PDE4B: variants seen among roughly 807,000 people sequenced by gnomAD.
PDE4B encodes the protein phosphodiesterase 4B.
In PDE4B, 20 loss-of-function variants were observed where a neutral mutation model predicts 82.2. The observed-to-expected ratio is 0.24, with a 90% CI of 0.17 to 0.35. The LOEUF is 0.35. PDE4B is among the 10% of genes least tolerant of loss of function. PDE4B has a pLI of 1.00. For missense variants in PDE4B, 655 were observed against 907.2 expected (o/e 0.72, Z 3.57); for synonymous variants, 320 against 318.9 (o/e 1.00, Z -0.04).
intron 3 of PDE4B, among the ~76,000 whole-genome samples, chr1:65,935,443 G>T (rs908257603): frequency 2.6e-5 from 4 of 151,948 alleles, no homozygotes; most frequent in African/African-American, 9.7e-5. Context: ...ATAGCTCTGG[G>T]TGAGTCAGTG....
chr1:66,109,655 A>G (rs1277288789), intron 3 of PDE4B, among the ~76,000 whole-genome samples: 1 of 151,734 alleles, frequency 6.6e-6, no homozygotes, highest in Non-Finnish European at 1.5e-5. Flanking sequence ...CTCCTTTTCA[A>G]GTTTTTTAAT....
At chr1:66,159,405 AT>A (rs1185555240) in intron 3 of PDE4B, among the ~76,000 whole-genome samples, 2,826 of 138,458 alleles carry the variant, frequency 0.02, 56 homozygotes, top group African/African-American at 0.061. Flanking sequence ...ACGCCCAGCT[AT>A]TTTTTTTTTT....
At chr1:65,937,201 G>A (rs12565842) in intron 3 of PDE4B, among the ~76,000 whole-genome samples, 7,261 of 152,206 alleles carry the variant, frequency 0.048, 521 homozygotes, top group East Asian at 0.36. Context: ...GATTCTGTTT[G>A]AGCATCTATT....
intron 7 of PDE4B, among the ~76,000 whole-genome samples, chr1:66,325,392 C>T (rs1557701485): frequency 6.6e-6 from 1 of 152,192 alleles, no homozygotes; most frequent in Non-Finnish European, 1.5e-5. Flanking sequence ...GACAATACCA[C>T]TCCTGAAGTG....
chr1:66,260,839 A>G (rs1212195475), intron 6 of PDE4B, among the ~76,000 whole-genome samples: 1 of 152,196 alleles, frequency 6.6e-6, no homozygotes, highest in Admixed American at 6.5e-5. Flanking sequence ...GCTGAAGCAC[A>G]GCCCTTCCCA....
chr1:66,361,734 A>C lies in PDE4B; in HGVS notation c.961A>C (p.Asn321His). ...GAAATTAATGCATAGTTCAAGCCTA[A>C]ACAATACAAGCATCTCACGCTTTGG... ...VKKLMHSSSL[N>H]NTSISRFGVN... Residue 321 changes from asparagine to histidine, a missense_variant, in exon 10 of 17, where the codon AAC becomes CAC. This residue lies in a region of PDE4B where 283 missense variants were observed against 516.4 expected (regional missense o/e 0.55). Coordinates refer to ENST00000341517, the MANE Select transcript of PDE4B (RefSeq NM_002600.4). 2 of 1,613,454 alleles carry C rather than the reference A, an allele frequency of 1.2e-6. No homozygotes were observed. The highest frequency in any genetic ancestry group is 1.7e-6 in the Non-Finnish European group (2 of 1,179,524).
chr1:66,016,988 G>A (rs1569986643), intron 3 of PDE4B, among the ~76,000 whole-genome samples: 1 of 152,178 alleles, frequency 6.6e-6, no homozygotes, highest in Non-Finnish European at 1.5e-5. Context: ...TTCTTGCAGA[G>A]AAAACAACAG....
intron 3 of PDE4B, among the ~76,000 whole-genome samples, chr1:66,045,034 T>C (rs950368611): frequency 1.3e-5 from 2 of 151,738 alleles, no homozygotes; most frequent in African/African-American, 2.4e-5. Context: ...AGCCACTATA[T>C]GTATCTGATC....
intron 1 of PDE4B, among the ~76,000 whole-genome samples, chr1:65,840,860 T>G (rs1646199214): frequency 6.6e-6 from 1 of 152,236 alleles, no homozygotes. Context: ...TGTTTGTTGT[T>G]AGACTGAACA....
intron 8 of PDE4B, 54 bp from the exon 9 acceptor site, chr1:66,355,473 A>G (rs1662162664): frequency 8.6e-7 from 1 of 1,162,430 alleles, no homozygotes; most frequent in Admixed American, 1.8e-5. Context: ...AACATTTAAA[A>G]TGAACATTTG....
At chr1:66,365,226 A>G (rs1663145988) in intron 12 of PDE4B, among the ~76,000 whole-genome samples, 1 of 152,208 alleles carries the variant, frequency 6.6e-6, no homozygotes, top group African/African-American at 2.4e-5. Flanking sequence ...TGCTTATCTT[A>G]TGAATCGGGA....
At chr1:66,254,687 A>G (rs1378119800) in intron 4 of PDE4B, among the ~76,000 whole-genome samples, 1 of 152,090 alleles carries the variant, frequency 6.6e-6, no homozygotes, top group Non-Finnish European at 1.5e-5. Flanking sequence ...CCTTATTTCT[A>G]CTCACGGCTT....
intron 13 of PDE4B, among the ~76,000 whole-genome samples, chr1:66,366,274 C>A (rs1663242154): frequency 2.0e-5 from 3 of 152,120 alleles, no homozygotes; most frequent in African/African-American, 7.2e-5. Context: ...AAGTTCCATA[C>A]ATTTTCTTCC....
At chr1:66,187,132 C>T (rs1387582199) in intron 3 of PDE4B, among the ~76,000 whole-genome samples, 1 of 152,088 alleles carries the variant, frequency 6.6e-6, no homozygotes, top group Non-Finnish European at 1.5e-5. Context: ...TGCTGGATTA[C>T]GTTTATTGAT....
At chr1:66,206,287 A>G (rs941785643) in intron 3 of PDE4B, among the ~76,000 whole-genome samples, 1 of 152,156 alleles carries the variant, frequency 6.6e-6, no homozygotes, top group Non-Finnish European at 1.5e-5. Context: ...CAGAAGATCT[A>G]CCGGAAAGCT....
chr1:65,898,222 A>C (rs1160634481), intron 1 of PDE4B, among the ~76,000 whole-genome samples: 1 of 151,372 alleles, frequency 6.6e-6, no homozygotes, highest in Non-Finnish European at 1.5e-5. Context: ...AAGATTCTGG[A>C]TATTATACCT....
At chr1:66,163,118 G>A (rs1365498938) in intron 3 of PDE4B, among the ~76,000 whole-genome samples, 2 of 151,990 alleles carry the variant, frequency 1.3e-5, no homozygotes, top group Non-Finnish European at 1.5e-5. Flanking sequence ...TCCTTTCCCC[G>A]CCTCTTACTA....
intron 7 of PDE4B, among the ~76,000 whole-genome samples, chr1:66,312,603 A>T (rs1278571643): frequency 6.6e-6 from 1 of 152,242 alleles, no homozygotes; most frequent in Non-Finnish European, 1.5e-5. Flanking sequence ...TAGCAAACTT[A>T]ACTCCATCTG....
chr1:66,319,426 C>T (rs1375551188), intron 7 of PDE4B, among the ~76,000 whole-genome samples: 2 of 152,218 alleles, frequency 1.3e-5, no homozygotes, highest in African/African-American at 4.8e-5. Context: ...GGCCTCCTTA[C>T]TTCTTAAGCT....
Sources: allele counts gnomAD v4.1 joint callset (sites outside exome capture counted in the v4.1 genomes callset), GRCh38; gene constraint gnomAD v4.1.1; regional missense constraint gnomAD v4.1.1; transcripts MANE v1.5; gene names NCBI Gene and HGNC (gene_info 2026-07-23, HGNC 2026-07-21).